MEGF10: variants seen among roughly 807,000 people sequenced by gnomAD.
MEGF10 encodes the protein multiple epidermal growth factor-like domains protein 10.
MEGF10 carries 86 observed loss-of-function variants against 147.5 expected under a neutral mutation model. The ratio of observed to expected loss-of-function variants is 0.58; its 90% CI spans 0.49 to 0.70. The LOEUF is 0.70. Among genes scored for constraint, MEGF10 ranks in the 30% least tolerant of loss-of-function variants. MEGF10 has a pLI of 0.00. For synonymous variants in MEGF10, 478 were observed against 525.5 expected (o/e 0.91, Z 1.24); for missense variants, 1,329 against 1,487.3 (o/e 0.89, Z 1.75).
At chr5:127,278,607 G>T in the MEGF10 span, among the ~76,000 whole-genome samples, 1 of 152,176 alleles carries the variant, frequency 6.6e-6, no homozygotes, top group African/African-American at 2.4e-5. Flanking sequence ...GGAGGCCCAA[G>T]GGAAAGAATT....
intron 22 of MEGF10, among the ~76,000 whole-genome samples, chr5:127,450,543 T>G (rs924585622): frequency 1.1e-4 from 16 of 152,158 alleles, no homozygotes; most frequent in Non-Finnish European, 2.1e-4. Context: ...GTCTTACGGA[T>G]AGCAAATCCT....
chr5:127,330,870 G>A (rs947908917), intron 1 of MEGF10, among the ~76,000 whole-genome samples: 10 of 152,102 alleles, frequency 6.6e-5, no homozygotes, highest in African/African-American at 2.2e-4. Flanking sequence ...TTGATTCGAT[G>A]GAGCTTCTGT....
intron 5 of MEGF10, among the ~76,000 whole-genome samples, chr5:127,380,850 C>T (rs918932237): frequency 2.6e-5 from 4 of 152,124 alleles, no homozygotes; most frequent in African/African-American, 9.7e-5. Context: ...GGCAGAAGAT[C>T]CCCTGGCCAT....
At chr5:127,357,398 G>A (rs924360938) in intron 4 of MEGF10, among the ~76,000 whole-genome samples, 7 of 152,062 alleles carry the variant, frequency 4.6e-5, no homozygotes, top group African/African-American at 1.7e-4. Flanking sequence ...ATAGGGTAGA[G>A]AGAAAGAAAA....
rs1156618898 is a variant in MEGF10, at chr5:127,398,716, T to A, written c.700T>A (p.Cys234Ser). ...LCPPGKHGPQ[C>S]EQRCPCQNGG... ...TCCTCCTGGTAAACATGGTCCACAG[T>A]GTGAGCAGAGATGCCCTTGTCAAAA... is the stretch of plus-strand genomic sequence containing the variant. The change falls in exon 7 of 25, where the codon TGT (cysteine) becomes AGT (serine). Residue 234 changes from cysteine (C) to serine (S), a missense_variant. Around this residue, in one of 3 missense-constraint regions of MEGF10, gnomAD observed 980 missense variants for 1,085.9 expected, o/e 0.90. Coordinates refer to ENST00000503335, the MANE Select transcript of MEGF10 (RefSeq NM_001256545.2). 6.2e-7 allele frequency: 1 copy of A among 1,614,110 alleles called. No individual in the cohort carries two copies. The highest frequency in any genetic ancestry group is 1.3e-5 in the African/African-American group (1 of 75,034).
chr5:127,352,584 C>A (rs1009542328), intron 4 of MEGF10, among the ~76,000 whole-genome samples: 7 of 152,024 alleles, frequency 4.6e-5, no homozygotes, highest in Non-Finnish European at 8.8e-5. Context: ...TCGCTTGAAC[C>A]CAGGAGGTGG....
intron 1 of MEGF10, among the ~76,000 whole-genome samples, chr5:127,299,268 G>C (rs997916911): frequency 6.6e-6 from 1 of 152,184 alleles, no homozygotes; most frequent in Non-Finnish European, 1.5e-5. Flanking sequence ...CTGTGTTCCT[G>C]GGAATGGTCA....
Position 127,402,652 on chromosome 5 carries a change from G to T in MEGF10, c.887G>T (p.Cys296Phe). 6.2e-7 allele frequency: 1 copy of T among 1,614,094 alleles called. No homozygotes were observed. Among genetic ancestry groups the T allele is most frequent in the Middle Eastern group, 1.7e-4 (1 of 6,058 alleles). ...GGTCDAATGQ[C>F]HCSPGYTGER... ...ACGTGTGATGCTGCCACAGGCCAATGTCATTGCAGTCCAGGATACACAGGG... is the reference window on the plus strand; with the variant it reads ...ACGTGTGATGCTGCCACAGGCCAATTTCATTGCAGTCCAGGATACACAGGG... Residue 296 changes from cysteine to phenylalanine, a missense_variant, in exon 8 of 25, where the codon TGT (cysteine) becomes TTT (phenylalanine). Coordinates refer to ENST00000503335, the MANE Select transcript of MEGF10 (RefSeq NM_001256545.2).
chr5:127,393,801 A>T (rs1326377816), intron 5 of MEGF10, among the ~76,000 whole-genome samples: 1 of 151,134 alleles, frequency 6.6e-6, no homozygotes, highest in Non-Finnish European at 1.5e-5. Context: ...ATGATAAGAT[A>T]TCTTCAAAGT....
chr5:127,312,156 T>C (rs1760317145), intron 1 of MEGF10, among the ~76,000 whole-genome samples: 1 of 152,130 alleles, frequency 6.6e-6, no homozygotes, highest in African/African-American at 2.4e-5. Context: ...TGGTCAGTTT[T>C]GAAGGAGGGA....
chr5:127,310,037 T>TTCTTC (rs1760217200), intron 1 of MEGF10, among the ~76,000 whole-genome samples: 2 of 48,074 alleles, frequency 4.2e-5, no homozygotes, highest in African/African-American at 6.7e-5. Context: ...TTTCTTTCCT[T>TTCTTC]CTTTCTTTAT....
rs779956858 is a variant in MEGF10, at chr5:127,449,111, C to T, written c.2869C>T (p.Gln957Ter). 6.2e-7 allele frequency: 1 copy of T among 1,613,990 alleles called. No homozygotes were observed. The highest frequency in any genetic ancestry group is 1.3e-5 in the African/African-American group (1 of 75,016). ...ATATTTTTAACAGTCAAAAAACAAT[C>T]AACTGTTTGTGAATCTTAAAAATGT... ...RMTVTKSKNN[Q>*]LFVNLKNVNP... Residue 957 changes from glutamine (Q) to a stop codon, truncating the protein, a stop_gained, in exon 22 of 25, where the codon CAA becomes TAA. Transcript: ENST00000503335. LOFTEE classifies it high-confidence loss of function.
At chr5:127,450,355 T>C (rs1442253403) in intron 22 of MEGF10, among the ~76,000 whole-genome samples, 2 of 151,214 alleles carry the variant, frequency 1.3e-5, no homozygotes, top group African/African-American at 2.5e-5. Context: ...CCTCTTAAAA[T>C]ATATATGTGT....
Position 127,333,876 on chromosome 5 carries a change from T to C in MEGF10, c.116+2452T>C, listed in dbSNP as rs571270881. ...AGAACCCAACAACTGTGCAAGTGAT[T>C]AGTGCAAACTCTAAAATGCTCATGA... is the stretch of plus-strand genomic sequence containing the variant. On this transcript the variant is annotated intron_variant, in intron 2 of 24. Coordinates refer to ENST00000503335, the MANE Select transcript of MEGF10 (RefSeq NM_001256545.2). Among the ~76,000 whole-genome samples, 6 of 152,288 alleles carry C rather than the reference T, an allele frequency of 3.9e-5. No individual in the cohort carries two copies. The East Asian group carries it at 1.2e-3, about 29-fold the overall frequency.
Position 127,312,776 on chromosome 5 carries a change from C to T in MEGF10, c.-18-18515C>T, listed in dbSNP as rs532627990. On this transcript the variant is annotated intron_variant, in intron 1 of 24. Transcript: ENST00000503335. ...TGCTTTTGTAAATGTAAAATGTTCT[C>T]TGACTCTCTTAGGTTCAATTTTACT... Among the ~76,000 whole-genome samples the T allele has an allele frequency of 9.3e-4, 142 of 152,154 alleles. 1 individual carries two copies. The highest frequency in any genetic ancestry group is 1.8e-3 in the Non-Finnish European group (124 of 68,038).
the MEGF10 span, among the ~76,000 whole-genome samples, chr5:127,233,983 G>T: frequency 7.2e-5 from 11 of 152,254 alleles, no homozygotes; most frequent in African/African-American, 2.6e-4. Context: ...TCTGCGTAGG[G>T]AGAAATTCAC....
chr5:127,336,700 G>A (rs980912816), intron 2 of MEGF10, among the ~76,000 whole-genome samples: 1 of 152,074 alleles, frequency 6.6e-6, no homozygotes, highest in Admixed American at 6.6e-5. Context: ...AAATTTTCTG[G>A]AAACTCTGTA....
intron 10 of MEGF10, 80 bp downstream of exon 10, chr5:127,417,892 A>G: frequency 1.4e-6 from 2 of 1,379,818 alleles, no homozygotes; most frequent in Non-Finnish European, 2.0e-6. Flanking sequence ...TATGACCTCC[A>G]GTGAAATACA....
intron 4 of MEGF10, among the ~76,000 whole-genome samples, chr5:127,345,178 G>A (rs1333591680): frequency 6.6e-6 from 1 of 152,174 alleles, no homozygotes; most frequent in Non-Finnish European, 1.5e-5. Flanking sequence ...TCTGTCAGCT[G>A]TGGAGATTCT....
Sources: allele counts gnomAD v4.1 joint callset (sites outside exome capture counted in the v4.1 genomes callset), GRCh38; gene constraint gnomAD v4.1.1; regional missense constraint gnomAD v4.1.1; transcripts MANE v1.5; gene names NCBI Gene and HGNC (gene_info 2026-07-23, HGNC 2026-07-21).